Variants in PTPRN2 observed in about 807,000 individuals in gnomAD.
PTPRN2 encodes the protein protein tyrosine phosphatase receptor type N2, also known as receptor-type tyrosine-protein phosphatase N2.
Under a neutral mutation model 118.8 loss-of-function variants are expected in PTPRN2, and 74 were observed. The ratio of observed to expected loss-of-function variants is 0.62; its 90% confidence interval spans 0.52 to 0.76. PTPRN2 has a LOEUF of 0.76. Ranked by LOEUF, PTPRN2 falls within the 30% of genes least tolerant of loss-of-function variation. The pLI is 0.00. For missense variants in PTPRN2, 1,481 were observed against 1,394.4 expected (o/e 1.06, Z -0.99); for synonymous variants, 641 against 608.0 (o/e 1.05, Z -0.80).
chr7:158,460,295 A>G (rs1042092903), intron 2 of PTPRN2, among the ~76,000 whole-genome samples: 4 of 147,816 alleles, frequency 2.7e-5, no homozygotes, highest in African/African-American at 1.0e-4. Context: ...GACTCTATCT[A>G]CAAGTTCCTG....
In PTPRN2 at chr7:158,270,857, C is replaced by CTCCACCTGGGCCTCCCCAT. The variant is rs1406778101; in HGVS notation, c.277+45961_277+45962insATGGGGAGGCCCAGGTGGA. On this transcript the variant is annotated intron_variant, in intron 3 of 22. Coordinates refer to ENST00000389418, the MANE Select transcript of PTPRN2 (RefSeq NM_002847.5). ...ATGACCCCCTCACCTGGACCGCCCC[C>CTCCACCTGGGCCTCCCCAT]CCACCTGGACCGCCCCCTCCACCTG... 1.6e-4 allele frequency among the ~76,000 whole-genome samples: 5 copies of CTCCACCTGGGCCTCCCCAT among 31,886 alleles called. 1 individual carries two copies. Among genetic ancestry groups the CTCCACCTGGGCCTCCCCAT allele is most frequent in the Non-Finnish European group, 2.9e-4 (5 of 17,528 alleles). 20.9% of individuals were successfully genotyped at this position (31,886 alleles called of 152,430 possible). A position where few individuals can be genotyped will look rare whatever the true frequency, so the allele number is the denominator to read the frequency against.
intron 2 of PTPRN2, among the ~76,000 whole-genome samples, chr7:158,387,575 T>TGAAGCACTCC (rs61116708): frequency 1.3e-5 from 2 of 150,834 alleles, no homozygotes; most frequent in African/African-American, 2.4e-5. Flanking sequence ...CCCTGTCAGC[T>TGAAGCACTCC]CAGCTTGGCC....
intron 6 of PTPRN2, among the ~76,000 whole-genome samples, chr7:158,144,020 C>T (rs770757922): frequency 9.2e-5 from 14 of 152,126 alleles, no homozygotes; most frequent in East Asian, 5.8e-4. Flanking sequence ...GAGAAGGTGA[C>T]GTGGTCCGTG....
chr7:157,883,551 T>C (rs1179693805), intron 12 of PTPRN2, among the ~76,000 whole-genome samples: 1 of 148,444 alleles, frequency 6.7e-6, no homozygotes, highest in Non-Finnish European at 1.5e-5. Context: ...TAAAACCGAC[T>C]GTCAGAGAAC....
At chr7:158,476,572 G>A (rs1275123218) in intron 2 of PTPRN2, among the ~76,000 whole-genome samples, 1 of 152,228 alleles carries the variant, frequency 6.6e-6, no homozygotes, top group Non-Finnish European at 1.5e-5. Flanking sequence ...GGAGAGAGAG[G>A]GGCCCCAGCA....
rs149350513 is a variant in PTPRN2, at chr7:157,540,759, G to A, written c.3003C>T (p.Ala1001=). ...TKEQFEFALT[A]VAEEVNAILK... is the part of the protein sequence containing the mutation. ...GGATGGCGTTCACCTCCTCAGCCAC[G>A]GCTGTCAGCGCGAACTCAAACTGCT... Residue 1001 remains alanine (A), a synonymous_variant, in exon 23 of 23, where the codon GCC becomes GCT. Coordinates refer to ENST00000389418, the MANE Select transcript of PTPRN2 (RefSeq NM_002847.5). The A allele has an allele frequency of 2.3e-4, 366 of 1,569,510 alleles. No homozygotes were observed. The highest frequency in any genetic ancestry group is 3.3e-4 in the Middle Eastern group (2 of 6,002).
rs1468602078 is a variant in PTPRN2 at position 157,903,447 on chromosome 7, C to A, written c.1724-4710G>T. On this transcript the variant is annotated intron_variant, in intron 11 of 22. Coordinates refer to ENST00000389418, the MANE Select transcript of PTPRN2 (RefSeq NM_002847.5). This position sits in a 1 kb window ranked among gnomAD's most constrained non-coding sequence, Gnocchi z 4.2. ...CCAGTATACCCAGGTCACAAGCCTG[C>A]ACATGTACTCCCAGATTCTAAAATA... 1.3e-5 allele frequency among the ~76,000 whole-genome samples: 2 copies of A among 152,098 alleles called. No homozygotes were observed. Among genetic ancestry groups the A allele is most frequent in the African/African-American group, 2.4e-5 (1 of 41,422 alleles).
intron 3 of PTPRN2, among the ~76,000 whole-genome samples, chr7:158,316,172 T>C (rs915332625): frequency 6.6e-6 from 1 of 152,176 alleles, no homozygotes; most frequent in African/African-American, 2.4e-5. Flanking sequence ...CTTGCTGGAC[T>C]AGACGCTTAC....
chr7:158,160,771 A>T (rs779535673), intron 6 of PTPRN2, among the ~76,000 whole-genome samples: 25 of 152,218 alleles, frequency 1.6e-4, no homozygotes, highest in Non-Finnish European at 3.4e-4. Context: ...TCATAAACAC[A>T]GTTCATCTGC....
At chr7:158,436,726 C>T (rs1460065397) in intron 2 of PTPRN2, among the ~76,000 whole-genome samples, 4 of 152,322 alleles carry the variant, frequency 2.6e-5, no homozygotes, top group African/African-American at 4.8e-5. Context: ...CCATCACATG[C>T]GAGGTTCATC....
chr7:158,126,068 CGGCGG>C (rs1817641617), intron 9 of PTPRN2, among the ~76,000 whole-genome samples: 1 of 136,056 alleles, frequency 7.3e-6, no homozygotes, highest in African/African-American at 3.0e-5. Flanking sequence ...GGACAGCGGG[CGGCGG>C]AACTTCCTCT....
intron 3 of PTPRN2, among the ~76,000 whole-genome samples, chr7:158,271,042 G>GAC (rs1798461036): frequency 7.5e-6 from 1 of 133,332 alleles, no homozygotes; most frequent in Non-Finnish European, 1.6e-5. Context: ...CCTCCACCTG[G>GAC]GCCTCCCCCC....
intron 2 of PTPRN2, among the ~76,000 whole-genome samples, chr7:158,330,093 T>A (rs113130112): frequency 2.1e-5 from 3 of 141,000 alleles, no homozygotes; most frequent in South Asian, 2.4e-4. Context: ...CCTGCAGACG[T>A]CACTCACACC....
At chr7:157,634,794 T>C (rs1449834406) in intron 14 of PTPRN2, among the ~76,000 whole-genome samples, 2 of 152,228 alleles carry the variant, frequency 1.3e-5, no homozygotes, top group Admixed American at 6.5e-5. Flanking sequence ...TTAAATCCAT[T>C]TCAAACTGAA....
chr7:158,504,644 A>G (rs1822614964), intron 1 of PTPRN2, among the ~76,000 whole-genome samples: 1 of 152,218 alleles, frequency 6.6e-6, no homozygotes, highest in African/African-American at 2.4e-5. Context: ...GCTGTTGTGT[A>G]CACACAACTT....
At chr7:157,717,761 C>A (rs1563033180) in intron 12 of PTPRN2, among the ~76,000 whole-genome samples, 1 of 152,268 alleles carries the variant, frequency 6.6e-6, no homozygotes, top group African/African-American at 2.4e-5. Context: ...ACCTGCGGGC[C>A]AGCACCTGCG....
At chr7:157,567,477 G>C (rs1034057427) in intron 21 of PTPRN2, among the ~76,000 whole-genome samples, 8 of 152,100 alleles carry the variant, frequency 5.3e-5, no homozygotes, top group Admixed American at 5.2e-4. Context: ...ACTTGCCCAG[G>C]CTCTCCAGTC....
intron 11 of PTPRN2, among the ~76,000 whole-genome samples, chr7:157,996,794 A>G (rs1804779994): frequency 6.6e-6 from 1 of 152,212 alleles, no homozygotes; most frequent in Non-Finnish European, 1.5e-5. Flanking sequence ...GTGATAAAGA[A>G]TGGATCTTTT....
intron 12 of PTPRN2, among the ~76,000 whole-genome samples, chr7:157,805,173 C>A (rs890934767): frequency 1.3e-5 from 2 of 152,206 alleles, no homozygotes; most frequent in African/African-American, 4.8e-5. Flanking sequence ...AAGGAAACTC[C>A]TTCTCTGGGA....
Sources: gnomAD v4.1 joint callset for allele counts (sites outside exome capture counted in the v4.1 genomes callset) on GRCh38, gnomAD v4.1.1 for gene constraint, Gnocchi (gnomAD v3.1) non-coding constraint, MANE v1.5 for transcripts, NCBI Gene and HGNC (gene_info 2026-07-23, HGNC 2026-07-21) for gene names.